The following FHIP1A variants were observed in gnomAD, a reference collection of about 807,000 sequenced individuals.
The protein encoded by FHIP1A is FHF complex subunit HOOK interacting protein 1A.
FHIP1A carries 61 observed loss-of-function variants against 88.6 expected under a neutral mutation model. The ratio of observed to expected loss-of-function variants is 0.69; its 90% CI spans 0.56 to 0.85. FHIP1A has a LOEUF of 0.85. Ranked by LOEUF, FHIP1A falls within the 40% of genes least tolerant of loss-of-function variation. The pLI is 0.00. For missense variants in FHIP1A, 1,154 were observed against 1,273.5 expected, an observed-to-expected ratio of 0.91 and a Z score of 1.43; for synonymous variants, 478 against 496.0, an observed-to-expected ratio of 0.96 and a Z score of 0.48.
At chr4:151,659,731 C>T (rs898083721) in intron 13 of FHIP1A, among the ~76,000 whole-genome samples, 1 of 152,220 alleles carries the variant, frequency 6.6e-6, no homozygotes, top group East Asian at 1.9e-4. Flanking sequence ...GCGTCTGTAG[C>T]CAGAGCTGCT....
chr4:151,503,387 A>G (rs142478286), intron 3 of FHIP1A, among the ~76,000 whole-genome samples: 1 of 152,152 alleles, frequency 6.6e-6, no homozygotes, highest in African/African-American at 2.4e-5. Flanking sequence ...CCATGTAGGA[A>G]AGAGTTTTGT....
chr4:151,469,213 C>G (rs1340889859), intron 2 of FHIP1A, among the ~76,000 whole-genome samples: 2 of 152,174 alleles, frequency 1.3e-5, no homozygotes, highest in Non-Finnish European at 2.9e-5. Context: ...GTTTAAATTT[C>G]ACAATCCTAT....
chr4:151,487,028 CCTT>C (rs374651086), intron 3 of FHIP1A, among the ~76,000 whole-genome samples: 1 of 151,902 alleles, frequency 6.6e-6, no homozygotes, highest in Non-Finnish European at 1.5e-5. Flanking sequence ...TGAGGCTTCT[CCTT>C]CTTGTTAAGG....
intron 6 of FHIP1A, among the ~76,000 whole-genome samples, chr4:151,588,618 A>G (rs999626364): frequency 2.0e-5 from 3 of 152,176 alleles, no homozygotes; most frequent in Non-Finnish European, 2.9e-5. Context: ...ATTATGTTTG[A>G]AAGTTCAACT....
intron 5 of FHIP1A, among the ~76,000 whole-genome samples, chr4:151,584,068 TAGAAC>T (rs1237985145): frequency 6.6e-6 from 1 of 152,190 alleles, no homozygotes; most frequent in African/African-American, 2.4e-5. Flanking sequence ...TGCCAGGAAA[TAGAAC>T]AGAGAAATGT....
chr4:151,618,598 A>G (rs1735629823), intron 7 of FHIP1A, among the ~76,000 whole-genome samples: 1 of 152,180 alleles, frequency 6.6e-6, no homozygotes, highest in African/African-American at 2.4e-5. Flanking sequence ...TGTGCTCGCC[A>G]AAATCTGTGG....
At chr4:151,438,019 G>A (rs1728264883) in intron 1 of FHIP1A, among the ~76,000 whole-genome samples, 1 of 152,138 alleles carries the variant, frequency 6.6e-6, no homozygotes, top group Admixed American at 6.5e-5. Flanking sequence ...TAACTGTAAA[G>A]AGAAAACCCT....
chr4:151,565,204 A>T (rs1733337024), intron 3 of FHIP1A, among the ~76,000 whole-genome samples: 1 of 152,000 alleles, frequency 6.6e-6, no homozygotes, highest in South Asian at 2.1e-4. Context: ...TAATATTTTG[A>T]ATTATACCCA....
At chr4:151,459,886 C>T (rs1729089994) in intron 2 of FHIP1A, among the ~76,000 whole-genome samples, 1 of 152,072 alleles carries the variant, frequency 6.6e-6, no homozygotes, top group African/African-American at 2.4e-5. Flanking sequence ...ATGAGAAAGA[C>T]CTTTTGCATA....
chr4:151,585,668 A>G (rs1210720011), intron 5 of FHIP1A, among the ~76,000 whole-genome samples: 1 of 152,226 alleles, frequency 6.6e-6, no homozygotes, highest in African/African-American at 2.4e-5. Context: ...CTCAGCATTA[A>G]GTATGTAATC....
chr4:151,431,954 G>A (rs1042825688), intron 1 of FHIP1A, among the ~76,000 whole-genome samples: 3 of 152,164 alleles, frequency 2.0e-5, no homozygotes, highest in Non-Finnish European at 4.4e-5. Context: ...TGACAGAGCT[G>A]GGTTCTGAAT....
rs370568441 is a variant in FHIP1A at position 151,431,289 on chromosome 4, C to T, written c.-356+21824C>T. 2.9e-4 allele frequency among the ~76,000 whole-genome samples: 44 copies of T among 152,120 alleles called. 1 individual carries two copies. In the East Asian group the frequency reaches 8.1e-3, roughly 28 times the overall value. The stretch of plus-strand genomic sequence containing the variant: ...AATCAGTGAGTTAATCCTTGTGAGC[C>T]CTGGCCCGCCACTCCCTACCTCCAA... On this transcript the variant is annotated intron_variant, in intron 1 of 13. Coordinates refer to ENST00000435205, the MANE Select transcript of FHIP1A (RefSeq NM_001109977.3).
intron 8 of FHIP1A, among the ~76,000 whole-genome samples, chr4:151,631,042 T>C (rs1369678438): frequency 6.6e-6 from 1 of 151,974 alleles, no homozygotes; most frequent in African/African-American, 2.4e-5. Context: ...AACACATATG[T>C]TAAAAAAAGA....
intron 1 of FHIP1A, among the ~76,000 whole-genome samples, chr4:151,411,257 C>T (rs929459495): frequency 6.7e-6 from 1 of 148,294 alleles, no homozygotes; most frequent in African/African-American, 2.5e-5. Context: ...TGACTGCAAA[C>T]AAGAAGCAGA....
At chr4:151,429,953 G>GC (rs1292992523) in intron 1 of FHIP1A, among the ~76,000 whole-genome samples, 1 of 151,386 alleles carries the variant, frequency 6.6e-6, no homozygotes, top group African/African-American at 2.4e-5. Context: ...AACCAAATTT[G>GC]CCACAGTTGA....
chr4:151,499,527 T>C (rs1375771268), intron 3 of FHIP1A, among the ~76,000 whole-genome samples: 1 of 152,218 alleles, frequency 6.6e-6, no homozygotes, highest in Non-Finnish European at 1.5e-5. Context: ...TTTCGTGAAA[T>C]AAGCATAGTT....
At chr4:151,508,061 A>G (rs1169687374) in intron 3 of FHIP1A, among the ~76,000 whole-genome samples, 2 of 152,218 alleles carry the variant, frequency 1.3e-5, no homozygotes, top group Admixed American at 6.5e-5. Context: ...GAAGACCAAG[A>G]AATCAGGCAA....
Position 151,656,155 on chromosome 4 carries a change from C to CCGTG in FHIP1A, c.2552-75_2552-74insTGCG. 1 of 1,202,274 alleles carries CCGTG rather than the reference C, an allele frequency of 8.3e-7. No individual in the cohort carries two copies. The highest frequency in any genetic ancestry group is 1.5e-5 in the South Asian group (1 of 68,734). 74.5% of individuals were successfully genotyped at this position (1,202,274 alleles called of 1,614,324 possible). ...CCATGGTGGTTTGGGAGATGTGGCACCGATGGTTCTGCAATTGTCAGGGAA... is the reference window on the plus strand; with the variant it reads ...CCATGGTGGTTTGGGAGATGTGGCACCGTGCGATGGTTCTGCAATTGTCAGGGAA... On this transcript the variant is annotated intron_variant, in intron 11 of 13. Coordinates refer to ENST00000435205, the MANE Select transcript of FHIP1A (RefSeq NM_001109977.3). The surrounding 1 kb of genome is among the most constrained non-coding windows in gnomAD (Gnocchi z 4.2).
At chr4:151,468,909 C>T (rs1729419740) in intron 2 of FHIP1A, among the ~76,000 whole-genome samples, 2 of 152,176 alleles carry the variant, frequency 1.3e-5, no homozygotes, top group African/African-American at 4.8e-5. Context: ...TGTTCCTGTT[C>T]TCAGTGTCTT....
Sources: allele counts gnomAD v4.1 joint callset (sites outside exome capture counted in the v4.1 genomes callset), GRCh38; gene constraint gnomAD v4.1.1; non-coding constraint Gnocchi (gnomAD v3.1); transcripts MANE v1.5; gene names NCBI Gene and HGNC (gene_info 2026-07-23, HGNC 2026-07-21).